The following PALLD variants were observed in gnomAD, a reference collection of about 807,000 sequenced individuals.
The protein encoded by PALLD is palladin, cytoskeletal associated protein, also known as palladin.
Under a neutral mutation model 123.5 loss-of-function variants are expected in PALLD, and 61 were observed. The observed-to-expected ratio is 0.49, with a 90% confidence interval of 0.40 to 0.61. The LOEUF is 0.61. PALLD is among the 20% of genes least tolerant of loss of function. PALLD has a pLI of 0.00. For synonymous variants in PALLD, 465 were observed against 496.4 expected (o/e 0.94, Z 0.84); for missense variants, 1,273 against 1,377.0 (o/e 0.92, Z 1.20).
intron 2 of PALLD, among the ~76,000 whole-genome samples, chr4:168,578,714 A>G (rs1288378311): frequency 1.3e-5 from 2 of 152,098 alleles, no homozygotes; most frequent in East Asian, 3.9e-4. Flanking sequence ...GATTGATAGA[A>G]TAGACAGATG....
chr4:168,622,336 T>A (rs997000830), intron 2 of PALLD, among the ~76,000 whole-genome samples: 2 of 152,170 alleles, frequency 1.3e-5, no homozygotes, highest in African/African-American at 4.8e-5. Context: ...TAAGCACTGG[T>A]CCATCATTTT....
At chr4:168,527,417 C>A (rs1764160406) in intron 2 of PALLD, among the ~76,000 whole-genome samples, 1 of 56,930 alleles carries the variant, frequency 1.8e-5, no homozygotes, top group Admixed American at 1.7e-4. Context: ...AGTGAAACTC[C>A]ATCTCAAAAA....
chr4:168,689,432 C>CTT (rs70961551), intron 6 of PALLD, among the ~76,000 whole-genome samples: 2,008 of 49,854 alleles, frequency 0.04, 505 homozygotes, highest in Non-Finnish European at 0.059. Context: ...ATCCAATATT[C>CTT]TTTTTTTTTT....
intron 2 of PALLD, among the ~76,000 whole-genome samples, chr4:168,534,086 C>T (rs1764869580): frequency 6.6e-6 from 1 of 152,164 alleles, no homozygotes; most frequent in South Asian, 2.1e-4. Flanking sequence ...TTAAGCAAGG[C>T]AAAGGTAGAA....
At chr4:168,845,118 C>T (rs1445028433) in intron 10 of PALLD, among the ~76,000 whole-genome samples, 1 of 152,070 alleles carries the variant, frequency 6.6e-6, no homozygotes. Flanking sequence ...GCTAGAGAGG[C>T]ACCGGAGCAG....
In PALLD at chr4:168,924,280, G is replaced by A; in HGVS notation, c.3084G>A (p.Val1028=). The part of the protein sequence containing the change: ...VAAKEAHKPP[V]FIEKLQNTGV... Reference sequence around the variant, plus strand: ...CTAAAGAAGCACACAAACCCCCTGTGTTTATTGAGAAGCTCCAAAACACAG... The same window carrying A: ...CTAAAGAAGCACACAAACCCCCTGTATTTATTGAGAAGCTCCAAAACACAG... Residue 1028 remains valine, a synonymous_variant, in exon 19 of 22, where the codon GTG becomes GTA. Transcript: ENST00000505667. 1 of 1,614,006 alleles carries A rather than the reference G, an allele frequency of 6.2e-7. No homozygotes were observed. The highest frequency in any genetic ancestry group is 8.5e-7 in the Non-Finnish European group (1 of 1,179,930).
At chr4:168,555,276 A>C (rs866190701) in intron 2 of PALLD, among the ~76,000 whole-genome samples, 7 of 152,228 alleles carry the variant, frequency 4.6e-5, no homozygotes, top group Non-Finnish European at 8.8e-5. Context: ...GGAACGGAGC[A>C]TAGAGAATAG....
intron 2 of PALLD, among the ~76,000 whole-genome samples, chr4:168,602,038 G>T (rs1772714837): frequency 6.6e-6 from 1 of 152,192 alleles, no homozygotes; most frequent in Admixed American, 6.5e-5. Context: ...CCACCATCCA[G>T]CATAGAGCAC....
intron 2 of PALLD, chr4:168,631,740 C>T (rs962362976): frequency 2.5e-5 from 25 of 985,390 alleles, no homozygotes; most frequent in African/African-American, 1.0e-4. Context: ...AGGGGCCGGC[C>T]TTTTGGCAGC....
chr4:168,742,728 G>A (rs1241314489), intron 10 of PALLD, among the ~76,000 whole-genome samples: 2 of 152,116 alleles, frequency 1.3e-5, no homozygotes, highest in Non-Finnish European at 2.9e-5. Flanking sequence ...AATGATGGGT[G>A]TATTTGCATC....
In PALLD at chr4:168,804,929, G is replaced by T. The variant is rs139408410; in HGVS notation, c.1965-85993G>T. On this transcript the variant is annotated intron_variant, in intron 10 of 21. Coordinates refer to ENST00000505667, the MANE Select transcript of PALLD (RefSeq NM_001166108.2). ...TAATCCCAACAGTTTGGGAGGCCAA[G>T]GCGGGCAGATCACGAGGTCAGGAGT... 3.1e-3 allele frequency among the ~76,000 whole-genome samples: 476 copies of T among 152,246 alleles called. 1 individual carries two copies. The highest frequency in any genetic ancestry group is 0.011 in the African/African-American group (452 of 41,524).
chr4:168,653,769 C>A (rs1156984416), intron 2 of PALLD, among the ~76,000 whole-genome samples: 1 of 152,084 alleles, frequency 6.6e-6, no homozygotes, highest in Non-Finnish European at 1.5e-5. Flanking sequence ...GGCTGGAGTG[C>A]AGCTCACTGC....
intron 8 of PALLD, among the ~76,000 whole-genome samples, chr4:168,691,816 G>T (rs1054767404): frequency 6.6e-6 from 1 of 152,096 alleles, no homozygotes; most frequent in Admixed American, 6.5e-5. Context: ...CTTGCCCCCA[G>T]ATCACTCTTA....
At chr4:168,551,844 T>A (rs1023593917) in intron 2 of PALLD, among the ~76,000 whole-genome samples, 3 of 152,246 alleles carry the variant, frequency 2.0e-5, no homozygotes, top group African/African-American at 7.2e-5. Context: ...GCTGGAAACA[T>A]CTGACTCTGA....
At chr4:168,573,781 C>T (rs1561262261) in intron 2 of PALLD, among the ~76,000 whole-genome samples, 2 of 152,094 alleles carry the variant, frequency 1.3e-5, no homozygotes, top group Non-Finnish European at 2.9e-5. Flanking sequence ...TACGAAGCTG[C>T]ATACCATTAT....
chr4:168,654,985 TTGTG>T (rs10579101), intron 2 of PALLD, among the ~76,000 whole-genome samples: 67 of 151,180 alleles, frequency 4.4e-4, no homozygotes, highest in Non-Finnish European at 6.2e-4. Flanking sequence ...ATATGGCTAC[TTGTG>T]TGTGTGTGTG....
At chr4:168,719,141 C>T (rs1161079812) in intron 10 of PALLD, among the ~76,000 whole-genome samples, 4 of 151,702 alleles carry the variant, frequency 2.6e-5, no homozygotes, top group East Asian at 1.9e-4. Context: ...CTCCCGACCT[C>T]GTGACCCACC....
At chr4:168,836,315 T>C (rs537276844) in intron 10 of PALLD, among the ~76,000 whole-genome samples, 6 of 152,332 alleles carry the variant, frequency 3.9e-5, no homozygotes, top group African/African-American at 1.4e-4. Context: ...AATGGCTTAT[T>C]TGATGGAAAA....
chr4:168,921,065 T>A (rs937186712), intron 17 of PALLD, among the ~76,000 whole-genome samples: 14 of 152,114 alleles, frequency 9.2e-5, no homozygotes, highest in African/African-American at 3.1e-4. Flanking sequence ...GAAGCCAAAG[T>A]TTAAAGCAAA....
Sources: allele counts gnomAD v4.1 joint callset (sites outside exome capture counted in the v4.1 genomes callset), GRCh38; gene constraint gnomAD v4.1.1; transcripts MANE v1.5; gene names NCBI Gene and HGNC (gene_info 2026-07-23, HGNC 2026-07-21).